The following SPOCK3 variants were observed in gnomAD, a reference collection of about 807,000 sequenced individuals.
SPOCK3 encodes the protein SPARC (osteonectin), cwcv and kazal like domains proteoglycan 3.
A neutral mutation model predicts 56.6 loss-of-function variants in SPOCK3; 30 were observed. The ratio of observed to expected loss-of-function variants is 0.53; its 90% confidence interval spans 0.40 to 0.72. The LOEUF (loss-of-function observed/expected upper bound fraction) is 0.72, where lower values mean the gene tolerates loss of function less well. Among genes scored for constraint, SPOCK3 ranks in the 30% least tolerant of loss-of-function variants. The pLI, the probability that SPOCK3 is intolerant of heterozygous loss-of-function variation, is 0.00. For synonymous variants in SPOCK3, 196 were observed against 183.3 expected, an observed-to-expected ratio of 1.07 and a Z score of -0.56; for missense variants, 527 against 530.0, an observed-to-expected ratio of 0.99 and a Z score of 0.06.
chr4:167,088,742 C>T (rs992088249), intron 2 of SPOCK3, among the ~76,000 whole-genome samples: 25 of 152,010 alleles, frequency 1.6e-4, no homozygotes, highest in African/African-American at 4.3e-4. Context: ...GGATTACAGG[C>T]GTGAGCCACC....
At chr4:167,024,344 T>A (rs1470680347) in intron 3 of SPOCK3, among the ~76,000 whole-genome samples, 2 of 152,048 alleles carry the variant, frequency 1.3e-5, no homozygotes, top group Non-Finnish European at 2.9e-5. Context: ...TCAGAATTAT[T>A]TTCAAATTTA....
intron 4 of SPOCK3, among the ~76,000 whole-genome samples, chr4:166,979,332 C>T (rs1400460162): frequency 6.6e-6 from 1 of 152,084 alleles, no homozygotes; most frequent in African/African-American, 2.4e-5. Context: ...AACTCCCCGT[C>T]AATGAAAAAC....
Position 167,193,493 on chromosome 4 carries a change from ATAGT to A in SPOCK3, c.189+40488_189+40491del, listed in dbSNP as rs1220872991. On this transcript the variant is annotated intron_variant, in intron 2 of 10. Coordinates refer to ENST00000357545, the MANE Select transcript of SPOCK3 (RefSeq NM_001040159.2). ...CACCAATTAATAAATTATCATAGCT[ATAGT>A]TAGTTTAATACTTTTGCCTTTTAAC... Among the ~76,000 whole-genome samples the A allele has an allele frequency of 8.2e-5, 12 of 145,926 alleles. 1 individual carries two copies. Among genetic ancestry groups the A allele is most frequent in the Admixed American group, 3.5e-4 (5 of 14,168 alleles).
chr4:167,105,207 T>C (rs1025316774), intron 2 of SPOCK3, among the ~76,000 whole-genome samples: 5 of 151,790 alleles, frequency 3.3e-5, no homozygotes, highest in African/African-American at 1.2e-4. Flanking sequence ...GACTAAATGA[T>C]GAACCAATCA....
chr4:167,156,075 GCTTGA>G (rs534268453), intron 2 of SPOCK3, among the ~76,000 whole-genome samples: 150 of 152,198 alleles, frequency 9.9e-4, no homozygotes, highest in African/African-American at 3.4e-3. Flanking sequence ...TTAACAATAT[GCTTGA>G]CTTAATACAA....
chr4:167,076,433 C>T (rs1757190357), intron 2 of SPOCK3, among the ~76,000 whole-genome samples: 1 of 151,342 alleles, frequency 6.6e-6, no homozygotes, highest in Non-Finnish European at 1.5e-5. Flanking sequence ...TCTGCTTGCT[C>T]GATATTGCTA....
At chr4:166,960,847 A>T (rs897952194) in intron 4 of SPOCK3, among the ~76,000 whole-genome samples, 1 of 151,034 alleles carries the variant, frequency 6.6e-6, no homozygotes, top group Non-Finnish European at 1.5e-5. Context: ...TCTTTCAGGG[A>T]ACTGGGAACT....
intron 6 of SPOCK3, among the ~76,000 whole-genome samples, chr4:166,831,933 T>C (rs911990556): frequency 6.6e-5 from 10 of 151,990 alleles, no homozygotes; most frequent in South Asian, 2.1e-4. Flanking sequence ...TTCTTTTTAA[T>C]GGGGTTACTT....
chr4:167,144,242 G>A (rs1395099982), intron 2 of SPOCK3, among the ~76,000 whole-genome samples: 1 of 151,678 alleles, frequency 6.6e-6, no homozygotes, highest in Non-Finnish European at 1.5e-5. Context: ...CAAATAAGCT[G>A]CTAAAAGCAC....
intron 2 of SPOCK3, among the ~76,000 whole-genome samples, chr4:167,172,109 C>T (rs1249802503): frequency 1.3e-5 from 2 of 152,134 alleles, no homozygotes; most frequent in Non-Finnish European, 2.9e-5. Flanking sequence ...TGCAGGCCAG[C>T]CTGGAATCTC....
intron 10 of SPOCK3, among the ~76,000 whole-genome samples, chr4:166,736,233 C>T (rs1261109573): frequency 1.3e-5 from 2 of 152,064 alleles, no homozygotes; most frequent in Admixed American, 6.6e-5. Flanking sequence ...CAGATGTCCA[C>T]GTTCCAAAAG....
In SPOCK3 at chr4:166,781,320, C is replaced by T. The variant is rs116223105; in HGVS notation, c.709+10850G>A. Among the ~76,000 whole-genome samples the T allele has an allele frequency of 3.7e-3, 563 of 151,764 alleles. 8 individuals are homozygous for T. Among genetic ancestry groups the T allele is most frequent in the African/African-American group, 0.013 (540 of 41,414 alleles). On this transcript the variant is annotated intron_variant, in intron 7 of 10. Coordinates refer to ENST00000357545, the MANE Select transcript of SPOCK3 (RefSeq NM_001040159.2). Reference sequence around the variant, plus strand: ...AAGTTAAAGGCTGTAGTATAAATGGCGAACACTTGCATTAAAACTAGAGAT... The same window carrying T: ...AAGTTAAAGGCTGTAGTATAAATGGTGAACACTTGCATTAAAACTAGAGAT...
intron 2 of SPOCK3, among the ~76,000 whole-genome samples, chr4:167,161,911 G>T: frequency 7.1e-6 from 1 of 141,344 alleles, no homozygotes; most frequent in African/African-American, 2.6e-5. Flanking sequence ...GAGGGGGAAG[G>T]GATAGCATTA....
chr4:166,837,846 T>C (rs1280560580), intron 6 of SPOCK3, among the ~76,000 whole-genome samples: 2 of 152,190 alleles, frequency 1.3e-5, no homozygotes, highest in South Asian at 2.1e-4. Context: ...GTTATTCTTT[T>C]ATGGAAGCTG....
At chr4:167,045,648 T>C (rs1291596358) in intron 3 of SPOCK3, among the ~76,000 whole-genome samples, 2 of 152,156 alleles carry the variant, frequency 1.3e-5, no homozygotes, top group Non-Finnish European at 2.9e-5. Flanking sequence ...CCATGTCCAC[T>C]TTTAAATAAT....
At chr4:167,174,157 A>G (rs1730756213) in intron 2 of SPOCK3, among the ~76,000 whole-genome samples, 1 of 152,146 alleles carries the variant, frequency 6.6e-6, no homozygotes, top group Non-Finnish European at 1.5e-5. Flanking sequence ...ACATACAACT[A>G]TATAATATTA....
rs375997959 is a variant in SPOCK3 at position 166,851,127 on chromosome 4, T to C, written c.589+38003A>G. The stretch of plus-strand genomic sequence containing the variant: ...AGCACGCAGCTGGAGATCTGAGAAC[T>C]GGCAGACTGCCTCCTCAAGTGGGTC... On this transcript the variant is annotated intron_variant, in intron 6 of 10. Coordinates refer to ENST00000357545, the MANE Select transcript of SPOCK3 (RefSeq NM_001040159.2). Among the ~76,000 whole-genome samples, 35 of 151,102 alleles carry C rather than the reference T, an allele frequency of 2.3e-4. No individual in the cohort carries two copies. The South Asian group carries it at 2.9e-3, about 13-fold the overall frequency.
chr4:167,077,191 T>C (rs1459788220), intron 2 of SPOCK3, among the ~76,000 whole-genome samples: 1 of 151,854 alleles, frequency 6.6e-6, no homozygotes, highest in Non-Finnish European at 1.5e-5. Context: ...ATTTTATGAT[T>C]TGAAAATGTC....
intron 4 of SPOCK3, among the ~76,000 whole-genome samples, chr4:166,981,211 G>A (rs1407123460): frequency 7.9e-5 from 12 of 151,308 alleles, no homozygotes; most frequent in Admixed American, 2.0e-4. Context: ...TCCAGGTCTC[G>A]TTAGAGAGAA....
Sources: allele counts gnomAD v4.1 joint callset (sites outside exome capture counted in the v4.1 genomes callset), GRCh38; gene constraint gnomAD v4.1.1; transcripts MANE v1.5; gene names NCBI Gene and HGNC (gene_info 2026-07-23, HGNC 2026-07-21).